SGCZ: variants seen among roughly 807,000 people sequenced by gnomAD.
SGCZ encodes sarcoglycan zeta.
SGCZ carries 40 observed loss-of-function variants against 41.3 expected under a neutral mutation model. The ratio of observed to expected loss-of-function variants is 0.97; its 90% CI spans 0.75 to 1.26. SGCZ has a LOEUF of 1.26. Among genes scored for constraint, SGCZ ranks in the 50% most tolerant of loss-of-function variants. The pLI, the probability that SGCZ is intolerant of heterozygous loss-of-function variation, is 0.00. For synonymous variants in SGCZ, 206 were observed against 137.5 expected (o/e 1.50, Z -3.49); for missense variants, 552 against 369.8 (o/e 1.49, Z -4.04).
At chr8:14,210,505 C>G (rs925797183) in intron 4 of SGCZ, among the ~76,000 whole-genome samples, 7 of 151,268 alleles carry the variant, frequency 4.6e-5, no homozygotes, top group African/African-American at 1.5e-4. Context: ...TCTTGTTGCC[C>G]AGACTGGAGT....
chr8:14,695,951 A>C (rs1563208290), intron 1 of SGCZ, among the ~76,000 whole-genome samples: 1 of 152,002 alleles, frequency 6.6e-6, no homozygotes, highest in African/African-American at 2.4e-5. Context: ...AAAAGCTAAA[A>C]CCTTCCAAAT....
At chr8:14,370,652 T>C (rs1375828787) in intron 2 of SGCZ, among the ~76,000 whole-genome samples, 1 of 151,918 alleles carries the variant, frequency 6.6e-6, no homozygotes, top group Admixed American at 6.6e-5. Context: ...TTTTAATATT[T>C]ATGTGGTTAA....
intron 2 of SGCZ, among the ~76,000 whole-genome samples, chr8:14,424,044 A>G (rs1370780010): frequency 6.6e-6 from 1 of 152,152 alleles, no homozygotes; most frequent in Non-Finnish European, 1.5e-5. Flanking sequence ...TCAAAACACA[A>G]AATAATTTAG....
At chr8:14,703,690 T>A (rs1011925614) in intron 1 of SGCZ, among the ~76,000 whole-genome samples, 2 of 151,948 alleles carry the variant, frequency 1.3e-5, no homozygotes, top group African/African-American at 4.8e-5. Context: ...AGAAAACCAG[T>A]GTTTCCGGAA....
chr8:14,881,458 C>T (rs552929503), intron 1 of SGCZ, among the ~76,000 whole-genome samples: 14 of 152,204 alleles, frequency 9.2e-5, no homozygotes, highest in Middle Eastern at 3.4e-3. Context: ...GGATATCTCA[C>T]GGCAGGGAGT....
intron 1 of SGCZ, chr8:14,879,293 A>C (rs1011825660): frequency 6.6e-6 from 1 of 152,128 alleles, no homozygotes; most frequent in African/African-American, 2.4e-5. Context: ...ATGCCACCTC[A>C]CTCCAGCCTG....
At chr8:15,097,687 C>A (rs865859568) in intron 1 of SGCZ, among the ~76,000 whole-genome samples, 60 of 149,362 alleles carry the variant, frequency 4.0e-4, no homozygotes, top group African/African-American at 1.5e-3. Context: ...TTTGATTACA[C>A]CAATACATTA....
intron 1 of SGCZ, among the ~76,000 whole-genome samples, chr8:14,961,083 G>T (rs755119615): frequency 3.3e-5 from 5 of 152,042 alleles, no homozygotes; most frequent in Non-Finnish European, 7.4e-5. Context: ...TTCCTTGGCG[G>T]CAAGCTGTGA....
At chr8:14,990,562 T>C (rs1449384887) in intron 1 of SGCZ, among the ~76,000 whole-genome samples, 1 of 152,046 alleles carries the variant, frequency 6.6e-6, no homozygotes, top group Admixed American at 6.6e-5. Flanking sequence ...GAGAATCCAA[T>C]GCCCAATGAT....
chr8:14,817,316 G>A (rs1249949256), intron 1 of SGCZ, among the ~76,000 whole-genome samples: 4 of 152,074 alleles, frequency 2.6e-5, no homozygotes, highest in South Asian at 2.1e-4. Flanking sequence ...GCAGATCTCC[G>A]GTGGTCATCA....
At chr8:14,166,012 T>G (rs1023415278) in intron 4 of SGCZ, among the ~76,000 whole-genome samples, 1 of 152,060 alleles carries the variant, frequency 6.6e-6, no homozygotes, top group Non-Finnish European at 1.5e-5. Flanking sequence ...AAAAATAATT[T>G]AAAACCCTAA....
At position 14,603,329 on chromosome 8, in the gene SGCZ, A is replaced by G. The variant is rs142809378; in HGVS notation, c.40-48403T>C. 2.0e-3 allele frequency among the ~76,000 whole-genome samples: 305 copies of G among 152,294 alleles called. 2 individuals are homozygous for G. The highest frequency in any genetic ancestry group is 6.8e-3 in the African/African-American group (281 of 41,556). ...AGGAAAACTGAACTGAAAACAATATATCAGTTAAGTCATTTGAGCATGTCT... is the reference window on the plus strand; with the variant it reads ...AGGAAAACTGAACTGAAAACAATATGTCAGTTAAGTCATTTGAGCATGTCT... On this transcript the variant is annotated intron_variant, in intron 1 of 7. Coordinates refer to ENST00000382080, the MANE Select transcript of SGCZ (RefSeq NM_139167.4).
At chr8:15,038,814 CAAAAAAAAA>C (rs58922339) in intron 1 of SGCZ, among the ~76,000 whole-genome samples, 91 of 93,078 alleles carry the variant, frequency 9.8e-4, no homozygotes, top group African/African-American at 3.5e-3. Context: ...TGACATTTCT[CAAAAAAAAA>C]AAAAAAAAAA....
intron 1 of SGCZ, among the ~76,000 whole-genome samples, chr8:14,730,272 T>G (rs1409710898): frequency 6.6e-6 from 1 of 152,112 alleles, no homozygotes; most frequent in Non-Finnish European, 1.5e-5. Flanking sequence ...CTTATTCATT[T>G]GAGAAAAAAT....
intron 7 of SGCZ, among the ~76,000 whole-genome samples, chr8:14,097,634 G>A (rs1024930547): frequency 6.6e-6 from 1 of 152,082 alleles, no homozygotes; most frequent in Non-Finnish European, 1.5e-5. Context: ...TTCATGTCCT[G>A]GATATCCTTG....
chr8:14,798,005 T>G (rs1464545118), intron 1 of SGCZ, among the ~76,000 whole-genome samples: 1 of 152,150 alleles, frequency 6.6e-6, no homozygotes, highest in Admixed American at 6.5e-5. Context: ...TAAGCAGAAG[T>G]TTGCTGCAGG....
At chr8:15,138,396 T>G (rs770217889) in intron 1 of SGCZ, among the ~76,000 whole-genome samples, 1 of 152,226 alleles carries the variant, frequency 6.6e-6, no homozygotes, top group East Asian at 1.9e-4. Flanking sequence ...GATTGTGATT[T>G]GAATTGTGAC....
At chr8:14,521,971 G>C (rs949792639) in intron 2 of SGCZ, among the ~76,000 whole-genome samples, 1 of 152,106 alleles carries the variant, frequency 6.6e-6, no homozygotes, top group Non-Finnish European at 1.5e-5. Context: ...TCATGGATGT[G>C]TGCAGAAATT....
chr8:14,350,891 ATAT>A (rs1803066977), intron 2 of SGCZ, among the ~76,000 whole-genome samples: 1 of 152,168 alleles, frequency 6.6e-6, no homozygotes, highest in South Asian at 2.1e-4. Flanking sequence ...TAAATGATTA[ATAT>A]TATTTGGTTA....
Sources: allele counts gnomAD v4.1 joint callset (sites outside exome capture counted in the v4.1 genomes callset), GRCh38; gene constraint gnomAD v4.1.1; transcripts MANE v1.5; gene names NCBI Gene and HGNC (gene_info 2026-07-23, HGNC 2026-07-21).